Variants in XPR1 observed in about 807,000 individuals in gnomAD.
The protein encoded by XPR1 is solute carrier family 53 member 1.
Under a neutral mutation model 87.5 loss-of-function variants are expected in XPR1, and 28 were observed. The ratio of observed to expected loss-of-function variants is 0.32; its 90% CI spans 0.24 to 0.44. XPR1 has a LOEUF of 0.44. XPR1 is among the 20% of genes least tolerant of loss of function. The pLI is 1.00. For synonymous variants in XPR1, 300 were observed against 306.1 expected, an observed-to-expected ratio of 0.98 and a Z score of 0.21; for missense variants, 559 against 862.3, an observed-to-expected ratio of 0.65 and a Z score of 4.41.
chr1:180,710,219 TA>T (rs1657715821), intron 2 of XPR1, among the ~76,000 whole-genome samples: 1 of 151,652 alleles, frequency 6.6e-6, no homozygotes, highest in African/African-American at 2.4e-5. Flanking sequence ...TTTTTTTTTT[TA>T]ATTGATCATT....
At chr1:180,764,788 CTT>C (rs60659660) in intron 2 of XPR1, among the ~76,000 whole-genome samples, 9 of 129,688 alleles carry the variant, frequency 6.9e-5, no homozygotes, top group Non-Finnish European at 9.5e-5. Context: ...AATTTTTTTT[CTT>C]TTTTTTTTTT....
intron 11 of XPR1, among the ~76,000 whole-genome samples, chr1:180,861,502 G>C (rs1481896873): frequency 6.6e-6 from 1 of 152,054 alleles, no homozygotes; most frequent in Non-Finnish European, 1.5e-5. Context: ...ACTATACCTA[G>C]ATAGTAAGTA....
intron 1 of XPR1, among the ~76,000 whole-genome samples, chr1:180,648,492 G>A (rs73049462): frequency 0.043 from 6,527 of 152,294 alleles, 498 homozygotes; most frequent in African/African-American, 0.15. Flanking sequence ...ATTTCTGGGA[G>A]TTCAAACCTG....
chr1:180,680,636 T>A (rs1656544525), intron 1 of XPR1, among the ~76,000 whole-genome samples: 1 of 152,200 alleles, frequency 6.6e-6, no homozygotes, highest in African/African-American at 2.4e-5. Flanking sequence ...GTGCTGGGAT[T>A]GCAGGCGTGA....
chr1:180,680,173 TATC>T (rs1370202828), intron 1 of XPR1, among the ~76,000 whole-genome samples: 1 of 151,848 alleles, frequency 6.6e-6, no homozygotes, highest in Non-Finnish European at 1.5e-5. Context: ...CACAGTGAGG[TATC>T]ATCTCACCCC....
chr1:180,814,667 C>T (rs1456620423), intron 7 of XPR1, among the ~76,000 whole-genome samples: 1 of 152,072 alleles, frequency 6.6e-6, no homozygotes, highest in Non-Finnish European at 1.5e-5. Flanking sequence ...AATCCCTTTC[C>T]TTATGAAATG....
At chr1:180,658,415 G>T (rs1379610937) in intron 1 of XPR1, among the ~76,000 whole-genome samples, 1 of 152,172 alleles carries the variant, frequency 6.6e-6, no homozygotes, top group Non-Finnish European at 1.5e-5. Context: ...TATAATACTA[G>T]CTGTAAGTCT....
rs1256700278 is a variant in XPR1 at position 180,867,275 on chromosome 1, G to A, written c.1668+3401G>A. 3.8e-4 allele frequency among the ~76,000 whole-genome samples: 34 copies of A among 88,860 alleles called. 3 individuals are homozygous for A. The highest frequency in any genetic ancestry group is 3.1e-3 in the South Asian group (8 of 2,554). The allele number at this position is 88,860 out of a possible 152,430, so 58.3% of individuals were successfully genotyped here. On this transcript the variant is annotated intron_variant, in intron 12 of 14. Transcript: ENST00000367590. ...GTGAATAGTGCCGCAATAAACATAC[G>A]TGTGCATGTGTCTTTAGAGCAGCAT...
intron 9 of XPR1, among the ~76,000 whole-genome samples, chr1:180,827,632 T>C (rs1291439579): frequency 1.3e-5 from 2 of 152,142 alleles, no homozygotes; most frequent in African/African-American, 2.4e-5. Context: ...AATAATTTCC[T>C]TCTATATTTG....
chr1:180,824,690 A>G lies in XPR1; in HGVS notation c.764-63A>G, dbSNP rs948620719. The G allele has an allele frequency of 2.1e-6, 3 of 1,401,556 alleles. No individual in the cohort carries two copies. The African/African-American group carries it at 4.3e-5, about 20-fold the overall frequency. 86.8% of individuals were successfully genotyped at this position (1,401,556 alleles called of 1,614,324 possible). Reference sequence around the variant, plus strand: ...CTATATCATTGAGAATGAAGACAAAAGATTATTAATTCAAGGGAAGTTATG... The same window carrying G: ...CTATATCATTGAGAATGAAGACAAAGGATTATTAATTCAAGGGAAGTTATG... On this transcript the variant is annotated intron_variant, in intron 7 of 14. Transcript: ENST00000367590.
At chr1:180,650,594 A>G (rs6681220) in intron 1 of XPR1, among the ~76,000 whole-genome samples, 2,608 of 152,310 alleles carry the variant, frequency 0.017, 88 homozygotes, top group African/African-American at 0.06. Flanking sequence ...CCAAAGGCCT[A>G]TCCTTAACCT....
chr1:180,654,697 A>G (rs1655397478), intron 1 of XPR1, among the ~76,000 whole-genome samples: 1 of 152,190 alleles, frequency 6.6e-6, no homozygotes. Context: ...TACATCACTT[A>G]GTGTAATGTC....
intron 11 of XPR1, among the ~76,000 whole-genome samples, chr1:180,847,645 C>T (rs935509406): frequency 3.9e-5 from 6 of 151,964 alleles, no homozygotes; most frequent in African/African-American, 1.2e-4. Flanking sequence ...GTGATGAAAG[C>T]GTGAAAAAAC....
intron 2 of XPR1, among the ~76,000 whole-genome samples, chr1:180,701,558 G>A (rs1657332617): frequency 7.1e-6 from 1 of 140,412 alleles, no homozygotes; most frequent in African/African-American, 3.0e-5. Context: ...TGCATCCCAG[G>A]GATGAAGCCC....
At chr1:180,639,649 TCA>T (rs1654903963) in intron 1 of XPR1, among the ~76,000 whole-genome samples, 1 of 152,232 alleles carries the variant, frequency 6.6e-6, no homozygotes, top group African/African-American at 2.4e-5. Context: ...AAGTCGTAAT[TCA>T]TAGGGTAATC....
chr1:180,835,928 A>C (rs868609143), intron 10 of XPR1, among the ~76,000 whole-genome samples: 5 of 152,152 alleles, frequency 3.3e-5, no homozygotes, highest in Admixed American at 1.3e-4. Flanking sequence ...CTCATCTTCT[A>C]ATTTTCTTAC....
intron 2 of XPR1, among the ~76,000 whole-genome samples, chr1:180,714,774 CCT>C (rs1000222068): frequency 6.6e-6 from 1 of 151,344 alleles, no homozygotes; most frequent in African/African-American, 2.5e-5. Context: ...GAGTTAATTT[CCT>C]CTTTTTCTAG....
intron 11 of XPR1, among the ~76,000 whole-genome samples, chr1:180,840,412 C>CTCAAAATAATCCTTA (rs1651463326): frequency 1.3e-5 from 2 of 151,922 alleles, no homozygotes; most frequent in South Asian, 4.2e-4. Flanking sequence ...TTACCTTCAG[C>CTCAAAATAATCCTTA]TCAAAATAAT....
chr1:180,842,961 A>G (rs1219641091), intron 11 of XPR1, among the ~76,000 whole-genome samples: 1 of 152,210 alleles, frequency 6.6e-6, no homozygotes, highest in African/African-American at 2.4e-5. Context: ...GGCACAATTA[A>G]GAGTTCATTT....
Sources: gnomAD v4.1 joint callset for allele counts (sites outside exome capture counted in the v4.1 genomes callset) on GRCh38, gnomAD v4.1.1 for gene constraint, MANE v1.5 for transcripts, NCBI Gene and HGNC (gene_info 2026-07-23, HGNC 2026-07-21) for gene names.